The following MERTK variants were observed in gnomAD, a reference collection of about 807,000 sequenced individuals.
MERTK encodes tyrosine-protein kinase Mer.
Under a neutral mutation model 99.3 loss-of-function variants are expected in MERTK, and 69 were observed. The ratio of observed to expected loss-of-function variants is 0.70; its 90% confidence interval spans 0.57 to 0.85. The LOEUF is 0.85. Among genes scored for constraint, MERTK ranks in the 40% least tolerant of loss-of-function variants. The pLI is 0.00. For missense variants in MERTK, 1,125 were observed against 1,249.4 expected (o/e 0.90, Z 1.50); for synonymous variants, 426 against 467.6 (o/e 0.91, Z 1.15).
intron 4 of MERTK, among the ~76,000 whole-genome samples, chr2:111,959,818 A>G (rs193223036): frequency 1.3e-5 from 2 of 152,282 alleles, no homozygotes; most frequent in East Asian, 3.9e-4. Flanking sequence ...TACAGTCATA[A>G]GTTATCAAGA....
chr2:111,926,073 C>T (rs912368746), intron 1 of MERTK, among the ~76,000 whole-genome samples: 9 of 152,038 alleles, frequency 5.9e-5, no homozygotes, highest in Admixed American at 1.3e-4. Flanking sequence ...CCTCGTGATC[C>T]GCCTGCCTTG....
At chr2:111,969,652 A>G (rs139378193) in intron 6 of MERTK, among the ~76,000 whole-genome samples, 1,528 of 151,862 alleles carry the variant, frequency 0.01, 12 homozygotes, top group Non-Finnish European at 0.014. Context: ...ATTATCCGTA[A>G]AATAGCCTCC....
At chr2:112,011,961 G>A (rs1677113931) in intron 15 of MERTK, among the ~76,000 whole-genome samples, 1 of 152,244 alleles carries the variant, frequency 6.6e-6, no homozygotes, top group South Asian at 2.1e-4. Flanking sequence ...TGGGCACCAG[G>A]AGCACAGGGG....
At chr2:112,016,273 T>C (rs924399650) in intron 15 of MERTK, among the ~76,000 whole-genome samples, 2 of 152,198 alleles carry the variant, frequency 1.3e-5, no homozygotes, top group African/African-American at 4.8e-5. Flanking sequence ...TACTGACTGA[T>C]GAATAGTTTC....
At chr2:112,019,823 T>G (rs1294254410) in intron 16 of MERTK, among the ~76,000 whole-genome samples, 1 of 152,216 alleles carries the variant, frequency 6.6e-6, no homozygotes, top group Non-Finnish European at 1.5e-5. Context: ...ATCAGCTAGC[T>G]TTGGACCTAG....
At chr2:111,944,532 T>TCCTCTGTTTTA (rs1684926140) in intron 2 of MERTK, among the ~76,000 whole-genome samples, 1 of 152,176 alleles carries the variant, frequency 6.6e-6, no homozygotes, top group Non-Finnish European at 1.5e-5. Flanking sequence ...TTTAAGGAAT[T>TCCTCTGTTTTA]AGCTCACACA....
intron 4 of MERTK, among the ~76,000 whole-genome samples, chr2:111,955,427 T>C (rs1173389439): frequency 2.0e-5 from 3 of 151,978 alleles, no homozygotes; most frequent in East Asian, 3.9e-4. Context: ...ATTTCAGGGG[T>C]TAGGTTTGGG....
intron 1 of MERTK, among the ~76,000 whole-genome samples, chr2:111,925,021 G>T (rs963599388): frequency 6.6e-6 from 1 of 151,844 alleles, no homozygotes; most frequent in Non-Finnish European, 1.5e-5. Context: ...TAACCTGGGG[G>T]TGCTAACTAT....
chr2:111,943,824 G>A (rs891789864), intron 2 of MERTK, among the ~76,000 whole-genome samples: 2 of 152,136 alleles, frequency 1.3e-5, no homozygotes, highest in African/African-American at 4.8e-5. Context: ...ATGTTAAATG[G>A]AATTAGGGTC....
chr2:111,949,983 G>A (rs1000416749), intron 4 of MERTK, among the ~76,000 whole-genome samples: 1 of 151,848 alleles, frequency 6.6e-6, no homozygotes, highest in Non-Finnish European at 1.5e-5. Context: ...TGTTGCCCAG[G>A]CTGGAGTGCA....
At chr2:112,002,046 C>T (rs1025641030) in intron 11 of MERTK, among the ~76,000 whole-genome samples, 1 of 151,798 alleles carries the variant, frequency 6.6e-6, no homozygotes, top group Non-Finnish European at 1.5e-5. Context: ...AGCTTTTTCT[C>T]TGAGAACTAA....
intron 3 of MERTK, 131 bp from the exon 4 acceptor site, chr2:111,947,263 A>G (rs1684975559): frequency 2.2e-6 from 2 of 904,230 alleles, no homozygotes; most frequent in Admixed American, 2.0e-5. Context: ...ACAGAGCAAG[A>G]CTCCATCCCC....
chr2:111,982,397 C>A (rs1420136781), intron 7 of MERTK, among the ~76,000 whole-genome samples: 1 of 151,866 alleles, frequency 6.6e-6, no homozygotes, highest in African/African-American at 2.4e-5. Context: ...TTCTTTCCTT[C>A]TTTTCTTCCT....
chr2:111,994,338 G>T lies in MERTK; in HGVS notation c.1384G>T (p.Ala462Ser), dbSNP rs1573627035. The change falls in exon 9 of 19, where the codon GCA becomes TCA. Residue 462 changes from alanine to serine, a missense_variant. Coordinates refer to ENST00000295408, the MANE Select transcript of MERTK (RefSeq NM_006343.3). ...CAATGCTACGTGCACAGTGAGGATT[G>T]CAGCCGTCACCAGAGGGGGAGTTGG... is the stretch of plus-strand genomic sequence containing the variant. ...VHNATCTVRI[A>S]AVTRGGVGPF... is the part of the protein sequence containing the mutation. 6.2e-7 allele frequency: 1 copy of T among 1,614,196 alleles called. No homozygotes were observed. Among genetic ancestry groups the T allele is most frequent in the Middle Eastern group, 1.6e-4 (1 of 6,062 alleles).
At chr2:111,908,444 C>G (rs948705481) in intron 1 of MERTK, among the ~76,000 whole-genome samples, 1 of 152,124 alleles carries the variant, frequency 6.6e-6, no homozygotes, top group Non-Finnish European at 1.5e-5. Flanking sequence ...GTGGAAGTCC[C>G]CGGTCGTTCC....
intron 13 of MERTK, 27 bp from the exon 14 acceptor site, chr2:112,008,356 C>G: frequency 2.6e-6 from 4 of 1,567,330 alleles, no homozygotes; most frequent in Non-Finnish European, 3.5e-6. Flanking sequence ...ATTATCCATA[C>G]TTAACCTTTT....
intron 8 of MERTK, among the ~76,000 whole-genome samples, chr2:111,989,720 A>G (rs1007538803): frequency 6.6e-6 from 1 of 152,126 alleles, no homozygotes; most frequent in Non-Finnish European, 1.5e-5. Flanking sequence ...AACAAGTACC[A>G]CCGCAGTTGC....
chr2:111,945,686 A>G (rs972008421), intron 3 of MERTK, among the ~76,000 whole-genome samples: 1 of 152,232 alleles, frequency 6.6e-6, no homozygotes, highest in Admixed American at 6.5e-5. Context: ...CTAATGGGCA[A>G]TGTGAGCTGA....
At chr2:111,955,754 CA>C in intron 4 of MERTK, among the ~76,000 whole-genome samples, 1 of 152,136 alleles carries the variant, frequency 6.6e-6, no homozygotes, top group East Asian at 1.9e-4. Context: ...AAAGTTATTT[CA>C]AAATAAAAAG....
Sources: gnomAD v4.1 joint callset for allele counts (sites outside exome capture counted in the v4.1 genomes callset) on GRCh38, gnomAD v4.1.1 for gene constraint, MANE v1.5 for transcripts, NCBI Gene and HGNC (gene_info 2026-07-23, HGNC 2026-07-21) for gene names.